MAP4: variants seen among roughly 807,000 people sequenced by gnomAD.
MAP4 encodes microtubule associated protein 4.
MAP4 carries 76 observed loss-of-function variants against 170.2 expected under a neutral mutation model. The observed-to-expected ratio is 0.45, with a 90% CI of 0.37 to 0.54. MAP4 has a LOEUF of 0.54. Ranked by LOEUF, MAP4 falls within the 20% of genes least tolerant of loss-of-function variation. The probability of loss-of-function intolerance (pLI) is 0.00; values close to 1 mark genes in which losing one functional copy is unlikely to be tolerated. For missense variants in MAP4, 2,506 were observed against 2,748.0 expected (o/e 0.91, Z 1.97); for synonymous variants, 909 against 994.5 (o/e 0.91, Z 1.62).
intron 18 of MAP4, among the ~76,000 whole-genome samples, chr3:47,856,426 C>T (rs2056521339): frequency 6.6e-6 from 1 of 151,786 alleles, no homozygotes. Flanking sequence ...TAAACTGGAT[C>T]ATGCTCTTCG....
rs548056167 is a variant in MAP4 at position 47,852,379 on chromosome 3, A to AG, written c.*554dup. 136 of 179,598 alleles carry AG rather than the reference A, an allele frequency of 7.6e-4. 1 individual carries two copies. The highest frequency in any genetic ancestry group is 1.0e-3 in the South Asian group (6 of 5,852). The allele number at this position is 179,598 out of a possible 1,614,324, so 11.1% of individuals were successfully genotyped here. On this transcript the variant is annotated 3_prime_UTR_variant, in exon 21 of 21. Transcript: ENST00000683076. ...AGGGCCCGACACCACCTGCATGGGG[A>AG]GGGGGGGGCGCCCATTTGTGGGACC... is the stretch of plus-strand genomic sequence containing the variant.
intron 1 of MAP4, among the ~76,000 whole-genome samples, chr3:48,052,188 G>A (rs1381698354): frequency 9.9e-5 from 15 of 152,250 alleles, no homozygotes; most frequent in Non-Finnish European, 8.8e-5. Context: ...GGAAGGATTA[G>A]GTGGAAGAGT....
intron 3 of MAP4, among the ~76,000 whole-genome samples, chr3:47,962,759 T>A (rs2100072408): frequency 6.6e-6 from 1 of 152,154 alleles, no homozygotes; most frequent in South Asian, 2.1e-4. Context: ...TAAAAAGCTA[T>A]CACCTACCGC....
At chr3:47,887,915 G>A (rs1424500153) in intron 10 of MAP4, among the ~76,000 whole-genome samples, 2 of 151,882 alleles carry the variant, frequency 1.3e-5, no homozygotes, top group Non-Finnish European at 2.9e-5. Flanking sequence ...TTTAGCTCAA[G>A]GTTTGTGAAT....
intron 1 of MAP4, among the ~76,000 whole-genome samples, chr3:48,035,463 G>A (rs762281943): frequency 1.3e-5 from 2 of 151,668 alleles, no homozygotes; most frequent in Admixed American, 6.6e-5. Context: ...GGGAGATCCC[G>A]TCTCAACAAA....
chr3:47,952,018 G>A (rs1338359037), intron 3 of MAP4, among the ~76,000 whole-genome samples: 1 of 151,556 alleles, frequency 6.6e-6, no homozygotes, highest in Non-Finnish European at 1.5e-5. Flanking sequence ...TCTGGGATGT[G>A]AGGAGCGCCT....
chr3:48,067,872 T>C (rs2154562831), intron 1 of MAP4, among the ~76,000 whole-genome samples: 1 of 152,284 alleles, frequency 6.6e-6, no homozygotes, highest in Non-Finnish European at 1.5e-5. Flanking sequence ...ACTCCTGGCC[T>C]CAAGCAATCC....
At chr3:47,938,305 T>C (rs964062340) in intron 3 of MAP4, among the ~76,000 whole-genome samples, 1 of 151,788 alleles carries the variant, frequency 6.6e-6, no homozygotes, top group African/African-American at 2.4e-5. Flanking sequence ...GAGGTGGAGG[T>C]TGCAGTGAAC....
intron 1 of MAP4, among the ~76,000 whole-genome samples, chr3:48,030,656 A>T (rs2100115566): frequency 6.6e-6 from 1 of 151,578 alleles, no homozygotes. Flanking sequence ...AATATTAACC[A>T]GGCATGATGG....
intron 2 of MAP4, among the ~76,000 whole-genome samples, chr3:47,993,599 G>A (rs1031363933): frequency 1.3e-5 from 2 of 152,210 alleles, no homozygotes; most frequent in African/African-American, 4.8e-5. Context: ...AGCTTTCGAT[G>A]TAAATTTTAA....
chr3:47,962,171 C>G (rs2100071956), intron 3 of MAP4, among the ~76,000 whole-genome samples: 1 of 152,202 alleles, frequency 6.6e-6, no homozygotes, highest in African/African-American at 2.4e-5. Flanking sequence ...CAGATATAAA[C>G]AGCTAGCTAG....
At chr3:47,877,386 A>G in intron 11 of MAP4, 31 bp downstream of exon 11, 1 of 1,489,220 alleles carries the variant, frequency 6.7e-7, no homozygotes. Flanking sequence ...AAATTATGGC[A>G]GTAGAAGATA....
chr3:47,902,182 A>G lies in MAP4; in HGVS notation c.5434+768T>C, dbSNP rs1057389741. 2.6e-5 allele frequency among the ~76,000 whole-genome samples: 4 copies of G among 152,150 alleles called. No individual in the cohort carries two copies. In the South Asian group the frequency reaches 8.3e-4, roughly 31 times the overall value. On this transcript the variant is annotated intron_variant, in intron 10 of 20. Transcript: ENST00000683076. The stretch of plus-strand genomic sequence containing the variant: ...AAAATAAATACAAATTTAACAAAAC[A>G]AAGTAGGATAATCAATTGTTGCTTG...
chr3:48,023,264 C>T (rs1396770438), intron 1 of MAP4, among the ~76,000 whole-genome samples: 1 of 152,096 alleles, frequency 6.6e-6, no homozygotes, highest in Non-Finnish European at 1.5e-5. Flanking sequence ...TGGCATTATT[C>T]TGAGATAATT....
intron 3 of MAP4, chr3:47,974,030 T>C (rs2100080432): frequency 2.0e-6 from 2 of 985,318 alleles, no homozygotes; most frequent in African/African-American, 1.7e-5. Flanking sequence ...GAAGAGGGAA[T>C]GCTTCCTAAA....
upstream of MAP4, among the ~76,000 whole-genome samples, chr3:48,021,290 G>A (rs1473850511): frequency 3.3e-5 from 5 of 151,720 alleles, no homozygotes; most frequent in Non-Finnish European, 5.9e-5. Context: ...TTATTTTAAG[G>A]TTTTATGATA....
intron 19 of MAP4, 41 bp from the exon 20 acceptor site, chr3:47,853,393 A>C (rs562931714): frequency 1.1e-5 from 9 of 853,482 alleles, no homozygotes; most frequent in Non-Finnish European, 1.5e-5. Context: ...GGGTCAGTCG[A>C]GGGGGGGAGT....
intron 10 of MAP4, 157 bp from the exon 11 acceptor site, chr3:47,877,680 T>C (rs934193095): frequency 1.9e-6 from 1 of 539,896 alleles, no homozygotes; most frequent in Admixed American, 3.2e-5. Context: ...GCCTCCCAAG[T>C]TCTCATTGTG....
At chr3:48,054,411 A>C (rs369488642) in intron 1 of MAP4, among the ~76,000 whole-genome samples, 39 of 152,238 alleles carry the variant, frequency 2.6e-4, no homozygotes, top group African/African-American at 7.9e-4. Flanking sequence ...TCATGAGGTC[A>C]GAAGTTCAAG....
Sources: allele counts gnomAD v4.1 joint callset (sites outside exome capture counted in the v4.1 genomes callset), GRCh38; gene constraint gnomAD v4.1.1; transcripts MANE v1.5; gene names NCBI Gene and HGNC (gene_info 2026-07-23, HGNC 2026-07-21).